ADAM10: variants seen among roughly 807,000 people sequenced by gnomAD.
ADAM10 encodes ADAM metallopeptidase domain 10.
ADAM10 carries 17 observed loss-of-function variants against 90.1 expected under a neutral mutation model. The ratio of observed to expected loss-of-function variants is 0.19; its 90% CI spans 0.13 to 0.28. ADAM10 has a LOEUF of 0.28. Among genes scored for constraint, ADAM10 ranks in the 10% least tolerant of loss-of-function variants. The pLI is 1.00. For missense variants in ADAM10, 610 were observed against 914.3 expected (o/e 0.67, Z 4.29); for synonymous variants, 310 against 298.6 (o/e 1.04, Z -0.40).
intron 1 of ADAM10, among the ~76,000 whole-genome samples, chr15:58,746,478 T>C (rs1441395362): frequency 1.3e-5 from 2 of 152,196 alleles, no homozygotes; most frequent in African/African-American, 2.4e-5. Context: ...AACTACAACA[T>C]AGGATGGGAC....
chr15:58,623,996 A>AG (rs1473483552), intron 10 of ADAM10, among the ~76,000 whole-genome samples: 27 of 148,062 alleles, frequency 1.8e-4, no homozygotes, highest in East Asian at 4.2e-4. Context: ...AAAAAAAAAA[A>AG]AGGGGGGGCC....
Position 58,597,182 on chromosome 15 carries a change from T to C in ADAM10, c.*365A>G, listed in dbSNP as rs1310650146. 1 of 571,282 alleles carries C rather than the reference T, an allele frequency of 1.8e-6. No homozygotes were observed. Among genetic ancestry groups the C allele is most frequent in the Non-Finnish European group, 3.0e-6 (1 of 332,744 alleles). The allele number at this position is 571,282 out of a possible 1,614,324, so 35.4% of individuals were successfully genotyped here. ...CCTTGATTGGCAGTTGAAAAAAATA[T>C]ATTTATTTCAATTTGTGGTAAAAGT... On this transcript the variant is annotated 3_prime_UTR_variant, in exon 16 of 16. Transcript: ENST00000260408.
rs1450422071 is a variant in ADAM10, at chr15:58,643,869, C to T, written c.828+17G>A. 1 of 1,576,298 alleles carries T rather than the reference C, an allele frequency of 6.3e-7. No homozygotes were observed. Among genetic ancestry groups the T allele is most frequent in the Admixed American group, 1.7e-5 (1 of 59,950 alleles). ...TGTTTCACTTTTTAAGTGTTTTTAA[C>T]TATTTAAGTTCCTTACTCTTATGCG... On this transcript the variant is annotated intron_variant, in intron 7 of 15. Transcript: ENST00000260408.
intron 2 of ADAM10, chr15:58,698,531 G>A (rs531734881): frequency 4.6e-4 from 89 of 192,938 alleles, no homozygotes; most frequent in Non-Finnish European, 7.3e-4. Context: ...AGCCAAGATC[G>A]CATCAATGTA....
At position 58,652,404 on chromosome 15, in the gene ADAM10, AT is replaced by A. The variant is rs563802109; in HGVS notation, c.586-6201del. ...TAAATTTAAGTCTTAATTCATTTTG[AT>A]TTGATTTTTGTATACGGTGAGAAAT... On this transcript the variant is annotated intron_variant, in intron 5 of 15. Coordinates refer to ENST00000260408, the MANE Select transcript of ADAM10 (RefSeq NM_001110.4). Among the ~76,000 whole-genome samples, 227 of 152,226 alleles carry A rather than the reference AT, an allele frequency of 1.5e-3. 1 individual carries two copies. Among genetic ancestry groups the A allele is most frequent in the African/African-American group, 5.1e-3 (212 of 41,528 alleles).
intron 6 of ADAM10, among the ~76,000 whole-genome samples, chr15:58,644,528 C>T (rs1482157788): frequency 6.6e-6 from 1 of 152,212 alleles, no homozygotes; most frequent in East Asian, 1.9e-4. Flanking sequence ...CACAACTGGC[C>T]TAAACATATA....
chr15:58,670,909 A>C (rs1322247253), intron 4 of ADAM10, among the ~76,000 whole-genome samples: 5 of 152,270 alleles, frequency 3.3e-5, no homozygotes, highest in Non-Finnish European at 7.4e-5. Flanking sequence ...GAGATAAGAG[A>C]TATTAGCACC....
chr15:58,619,709 C>T (rs1895723544), intron 11 of ADAM10, among the ~76,000 whole-genome samples: 1 of 151,966 alleles, frequency 6.6e-6, no homozygotes, highest in African/African-American at 2.4e-5. Flanking sequence ...TCGAGACCAC[C>T]TTGGCTAACA....
At chr15:58,613,838 G>A (rs1215823735) in intron 11 of ADAM10, among the ~76,000 whole-genome samples, 1 of 152,172 alleles carries the variant, frequency 6.6e-6, no homozygotes, top group Non-Finnish European at 1.5e-5. Context: ...GCAGAAGGTT[G>A]GGTGCAGTAA....
chr15:58,718,416 T>C (rs1898734852), intron 1 of ADAM10, among the ~76,000 whole-genome samples: 1 of 152,212 alleles, frequency 6.6e-6, no homozygotes. Flanking sequence ...TCAGGGTATA[T>C]ACCGGCTTAC....
intron 1 of ADAM10, among the ~76,000 whole-genome samples, chr15:58,721,543 T>C (rs978397028): frequency 5.9e-5 from 9 of 152,160 alleles, no homozygotes; most frequent in African/African-American, 2.2e-4. Context: ...TAAAGCAGCC[T>C]ACCTGCCCCT....
chr15:58,632,155 T>A lies in ADAM10; in HGVS notation c.1176+1041A>T, dbSNP rs144627538. On this transcript the variant is annotated intron_variant, in intron 9 of 15. Coordinates refer to ENST00000260408, the MANE Select transcript of ADAM10 (RefSeq NM_001110.4). ...CTCTACCAAAATCACAAAGACAGAG[T>A]ATCATTCAGTATTTCATATTTCTGT... Among the ~76,000 whole-genome samples, 1,046 of 152,266 alleles carry A rather than the reference T, an allele frequency of 6.9e-3. 14 individuals carry two copies. Among genetic ancestry groups the A allele is most frequent in the African/African-American group, 0.024 (1,000 of 41,548 alleles).
chr15:58,666,084 T>C (rs1897077724), intron 4 of ADAM10, among the ~76,000 whole-genome samples: 1 of 151,570 alleles, frequency 6.6e-6, no homozygotes, highest in African/African-American at 2.4e-5. Flanking sequence ...TTTCAGCACA[T>C]TCCCTCTAGG....
chr15:58,669,629 T>C (rs1897151024), intron 4 of ADAM10, among the ~76,000 whole-genome samples: 1 of 152,150 alleles, frequency 6.6e-6, no homozygotes, highest in Non-Finnish European at 1.5e-5. Context: ...AGTTATTTCA[T>C]CCCCTTGCCT....
At position 58,672,775 on chromosome 15, in the gene ADAM10, G is replaced by A. The variant is rs564924149; in HGVS notation, c.484+6349C>T. The A allele has an allele frequency of 9.0e-5, 9 of 99,738 alleles. No individual in the cohort carries two copies. In the Admixed American group the frequency reaches 9.5e-4, roughly 11 times the overall value. The allele number at this position is 99,738 out of a possible 1,614,324, so 6.2% of individuals were successfully genotyped here. ...TTGCTGCATACTGAGCTAAAGGAAG[G>A]CCTCATGCAGCAAAAAAAAAAAAAA... On this transcript the variant is annotated intron_variant, in intron 4 of 15. Transcript: ENST00000260408.
chr15:58,644,525 G>A (rs1896500180), intron 6 of ADAM10, among the ~76,000 whole-genome samples: 1 of 152,048 alleles, frequency 6.6e-6, no homozygotes, highest in African/African-American at 2.4e-5. Context: ...CACCACAACT[G>A]GCCTAAACAT....
At chr15:58,723,123 C>A (rs1898913359) in intron 1 of ADAM10, among the ~76,000 whole-genome samples, 1 of 151,820 alleles carries the variant, frequency 6.6e-6, no homozygotes, top group Non-Finnish European at 1.5e-5. Context: ...AAACAGGCAG[C>A]CAAGGAATGA....
chr15:58,652,325 G>T (rs1423091580), intron 5 of ADAM10, among the ~76,000 whole-genome samples: 1 of 152,134 alleles, frequency 6.6e-6, no homozygotes. Context: ...TTGTCCACAT[G>T]AAAGTGGGGA....
At chr15:58,698,858 A>G (rs1477942295) in intron 2 of ADAM10, among the ~76,000 whole-genome samples, 1 of 152,194 alleles carries the variant, frequency 6.6e-6, no homozygotes, top group African/African-American at 2.4e-5. Context: ...AAAAAACAAA[A>G]GGGATAAAAA....
Sources: gnomAD v4.1 joint callset for allele counts (sites outside exome capture counted in the v4.1 genomes callset) on GRCh38, gnomAD v4.1.1 for gene constraint, MANE v1.5 for transcripts, NCBI Gene and HGNC (gene_info 2026-07-23, HGNC 2026-07-21) for gene names.